Variants in IL3RA observed in about 807,000 individuals in gnomAD.
The protein encoded by IL3RA is interleukin-3 receptor subunit alpha.
IL3RA carries 73 observed loss-of-function variants against 52.3 expected under a neutral mutation model. That is an observed-to-expected ratio of 1.40 (90% confidence interval 1.16 to 1.70). The LOEUF is 1.70. Ranked by LOEUF, IL3RA falls within the 40% of genes most tolerant of loss-of-function variation. IL3RA has a pLI of 0.00. For missense variants in IL3RA, 664 were observed against 504.4 expected, an observed-to-expected ratio of 1.32 and a Z score of -3.03; for synonymous variants, 260 against 194.0, an observed-to-expected ratio of 1.34 and a Z score of -2.83.
chrX:1,341,778 T>C lies in IL3RA; in HGVS notation c.13T>C (p.Trp5Arg). 6.2e-7 allele frequency: 1 copy of C among 1,613,936 alleles called. No homozygotes were observed. Among genetic ancestry groups the C allele is most frequent in the East Asian group, 2.2e-5 (1 of 44,884 alleles). The part of the protein sequence containing the change: MVLL[W>R]LTLLLIALPC... ...AGCTGCGTTCCCGATGGTCCTCCTT[T>C]GGCTCACGCTGCTCCTGATCGCCCT... The change falls in exon 2 of 12, where the codon TGG becomes CGG. Residue 5 changes from tryptophan (W) to arginine (R), a missense_variant. Transcript: ENST00000331035.
chrX:1,348,345 C>G (rs770473203), intron 3 of IL3RA, 86 bp from the exon 4 acceptor site: 10 of 1,073,638 alleles, frequency 9.3e-6, no homozygotes, highest in South Asian at 1.3e-5. Flanking sequence ...GAGAGCGAAA[C>G]TCTGCCTCAA....
chrX:1,354,751 AAGGAGC>A (rs2086509856), intron 6 of IL3RA, among the ~76,000 whole-genome samples: 2 of 104,148 alleles, frequency 1.9e-5, no homozygotes, highest in African/African-American at 7.7e-5. Context: ...ATGGGGAGAG[AAGGAGC>A]AGGAGGAGGA....
At chrX:1,352,843 T>A (rs2086180665) in intron 6 of IL3RA, among the ~76,000 whole-genome samples, 1 of 151,826 alleles carries the variant, frequency 6.6e-6, no homozygotes, top group African/African-American at 2.4e-5. Flanking sequence ...GGACCCCCCA[T>A]CATGGGTTCC....
At chrX:1,379,302 T>C (rs2089012159) in intron 10 of IL3RA, among the ~76,000 whole-genome samples, 1 of 151,974 alleles carries the variant, frequency 6.6e-6, no homozygotes, top group African/African-American at 2.4e-5. Context: ...ATTACAGGTG[T>C]GCAACACTGC....
rs750026558 is a variant in IL3RA at position 1,382,375 on chromosome X, C to T, written c.1063-16C>T. 2.5e-6 allele frequency: 4 copies of T among 1,611,944 alleles called. No homozygotes were observed. The highest frequency in any genetic ancestry group is 2.7e-5 in the African/African-American group (2 of 74,878). ...GGGGGGTGGCCGACTCACCCTGCCTCCTCTCGTCTCTGCAGGTGGTCTGGG... is the reference window on the plus strand; with the variant it reads ...GGGGGGTGGCCGACTCACCCTGCCTTCTCTCGTCTCTGCAGGTGGTCTGGG... On this transcript the variant is annotated splice_polypyrimidine_tract_variant and intron_variant, in intron 11 of 11. Transcript: ENST00000331035.
chrX:1,354,188 G>A (rs1368843136), intron 6 of IL3RA, among the ~76,000 whole-genome samples: 3 of 152,064 alleles, frequency 2.0e-5, no homozygotes, highest in African/African-American at 7.2e-5. Context: ...CCCCCATCAT[G>A]GGGGTCCACC....
At chrX:1,345,004 T>TAAA (rs1361892629) in intron 2 of IL3RA, among the ~76,000 whole-genome samples, 5 of 58,294 alleles carry the variant, frequency 8.6e-5, no homozygotes, top group Non-Finnish European at 2.2e-4. Context: ...CTACTAAAAA[T>TAAA]ACAAAAAAAA....
In IL3RA at chrX:1,352,245, G is replaced by T. The variant is rs6603272; in HGVS notation, c.431+13G>T. On this transcript the variant is annotated intron_variant, in intron 5 of 11. Coordinates refer to ENST00000331035, the MANE Select transcript of IL3RA (RefSeq NM_002183.4). ...TGAACGTTGCCAAGTAGGTGTGCCCGTGGGCAGAGGCCGGGCTGTCCCTGG... is the reference window on the plus strand; with the variant it reads ...TGAACGTTGCCAAGTAGGTGTGCCCTTGGGCAGAGGCCGGGCTGTCCCTGG... 0.74 allele frequency: 1,188,375 copies of T among 1,613,032 alleles called. 442,571 individuals are homozygous for T. Among genetic ancestry groups the T allele is most frequent in the African/African-American group, 0.89 (66,677 of 75,024 alleles).
Position 1,345,427 on chromosome X carries a change from C to A in IL3RA, c.176C>A (p.Ser59Tyr). ...DIECVKDADY[S>Y]MPAVNNSYCQ... ...GAGTGTGTTAAAGACGCCGACTATT[C>A]TATGCCGGTAAATCATACTCTCTAT... The change falls in exon 3 of 12, where the codon TCT becomes TAT. Residue 59 changes from serine (S) to tyrosine (Y), a missense_variant. Transcript: ENST00000331035. 1 of 1,581,322 alleles carries A rather than the reference C, an allele frequency of 6.3e-7. No individual in the cohort carries two copies. Among genetic ancestry groups the A allele is most frequent in the Non-Finnish European group, 8.7e-7 (1 of 1,155,576 alleles).
At chrX:1,370,899 G>T (rs1253111543) in intron 9 of IL3RA, among the ~76,000 whole-genome samples, 1 of 29,042 alleles carries the variant, frequency 3.4e-5, no homozygotes, top group Non-Finnish European at 6.0e-5. Context: ...CAGCCTCCAG[G>T]GCTGTGGGAG....
chrX:1,343,054 G>A (rs17886010), intron 2 of IL3RA, among the ~76,000 whole-genome samples: 1,576 of 151,890 alleles, frequency 0.01, 31 homozygotes, highest in Non-Finnish European at 0.014. Context: ...CAGCCTGGGC[G>A]ACAGAGTGAG....
rs2088982284 is a variant in IL3RA at position 1,378,821 on chromosome X, T to C, written c.980+57T>C. The C allele has an allele frequency of 2.1e-6, 3 of 1,424,848 alleles. No homozygotes were observed. The South Asian group carries it at 3.4e-5, about 16-fold the overall frequency. The allele number at this position is 1,424,848 out of a possible 1,614,324, so 88.3% of individuals were successfully genotyped here. ...TTGTTTCCAGTGTGACCCTGAAAGT[T>C]ATTCACAGAACCATCCTGAGAATTA... On this transcript the variant is annotated intron_variant, in intron 10 of 11. Transcript: ENST00000331035.
chrX:1,346,912 T>C (rs2085765507), intron 3 of IL3RA, among the ~76,000 whole-genome samples: 1 of 151,332 alleles, frequency 6.6e-6, no homozygotes. Flanking sequence ...TATAAAATCC[T>C]ACCCCCAGCT....
intron 4 of IL3RA, among the ~76,000 whole-genome samples, chrX:1,351,719 C>T (rs1325011223): frequency 2.1e-4 from 31 of 150,920 alleles, no homozygotes; most frequent in African/African-American, 6.8e-4. Flanking sequence ...ACCTCTGCCT[C>T]CTGGGTTCAA....
rs183315185 is a variant in IL3RA at position 1,353,494 on chromosome X, G to A, written c.616+988G>A. 1.1e-3 allele frequency among the ~76,000 whole-genome samples: 68 copies of A among 62,170 alleles called. 2 individuals carry two copies. The highest frequency in any genetic ancestry group is 4.9e-3 in the African/African-American group (66 of 13,434). The allele number at this position is 62,170 out of a possible 152,430, so 40.8% of individuals were successfully genotyped here. On this transcript the variant is annotated intron_variant, in intron 6 of 11. Coordinates refer to ENST00000331035, the MANE Select transcript of IL3RA (RefSeq NM_002183.4). ...ATCATGGGTTCCATCATGAGTCATG[G>A]GACCCCCCATCATGGGTTCCACATG...
chrX:1,349,355 T>C (rs2085975536), intron 4 of IL3RA, among the ~76,000 whole-genome samples: 1 of 151,722 alleles, frequency 6.6e-6, no homozygotes, highest in South Asian at 2.1e-4. Flanking sequence ...CTAATTCTTG[T>C]ATTTTTAGTA....
At chrX:1,367,780 G>A (rs760288578) in intron 9 of IL3RA, among the ~76,000 whole-genome samples, 1,439 of 140,972 alleles carry the variant, frequency 0.01, 7 homozygotes, top group South Asian at 0.033. Flanking sequence ...AGCGGGGTGC[G>A]CGGGCTGAGC....
chrX:1,366,709 G>A (rs1371451656), intron 9 of IL3RA, among the ~76,000 whole-genome samples: 1 of 9,482 alleles, frequency 1.1e-4, no homozygotes, highest in Non-Finnish European at 1.6e-4. Flanking sequence ...CGCGGGGTGA[G>A]CGGGGTGCGC....
chrX:1,362,216 CTG>C (rs1174879682), intron 8 of IL3RA, among the ~76,000 whole-genome samples: 1 of 151,884 alleles, frequency 6.6e-6, no homozygotes, highest in African/African-American at 2.4e-5. Context: ...GTCTCTCTCT[CTG>C]TCCATCACCC....
Sources: allele counts gnomAD v4.1 joint callset (sites outside exome capture counted in the v4.1 genomes callset), GRCh38; gene constraint gnomAD v4.1.1; transcripts MANE v1.5; gene names NCBI Gene and HGNC (gene_info 2026-07-23, HGNC 2026-07-21).